The following CNTN1 variants were observed in gnomAD, a reference collection of about 807,000 sequenced individuals.
The protein encoded by CNTN1 is contactin 1, also known as contactin-1.
A neutral mutation model predicts 126.4 loss-of-function variants in CNTN1; 38 were observed. The observed-to-expected ratio is 0.30, with a 90% CI of 0.23 to 0.39. The LOEUF (loss-of-function observed/expected upper bound fraction) is 0.39. CNTN1 is among the 10% of genes least tolerant of loss of function. The pLI, the probability that CNTN1 is intolerant of heterozygous loss-of-function variation, is 1.00. For synonymous variants in CNTN1, 413 were observed against 422.6 expected (o/e 0.98, Z 0.28); for missense variants, 1,009 against 1,248.4 (o/e 0.81, Z 2.89).
At chr12:40,972,363 T>A in intron 15 of CNTN1, 3 of 984,422 alleles carry the variant, frequency 3.0e-6, no homozygotes, top group Non-Finnish European at 3.6e-6. Flanking sequence ...ACCTTCACTT[T>A]CCCCCTTTGG....
intron 1 of CNTN1, among the ~76,000 whole-genome samples, chr12:40,902,803 T>G (rs747822325): frequency 1.1e-4 from 17 of 152,174 alleles, no homozygotes; most frequent in Non-Finnish European, 1.8e-4. Context: ...AATAATTTAT[T>G]TGGACTATCC....
intron 21 of CNTN1, among the ~76,000 whole-genome samples, 181 bp from the exon 22 acceptor site, chr12:41,027,676 G>T (rs779611591): frequency 6.6e-6 from 1 of 152,108 alleles, no homozygotes; most frequent in African/African-American, 2.4e-5. Context: ...GGGCCATGGG[G>T]TACATTAAAT....
chr12:40,854,837 G>T lies in CNTN1; in HGVS notation c.-76-53520G>T, dbSNP rs188269928. Among the ~76,000 whole-genome samples the T allele has an allele frequency of 1.4e-4, 21 of 152,188 alleles. 1 individual carries two copies. Among genetic ancestry groups the T allele is most frequent in the African/African-American group, 5.1e-4 (21 of 41,550 alleles). On this transcript the variant is annotated intron_variant, in intron 1 of 23. Coordinates refer to ENST00000551295, the MANE Select transcript of CNTN1 (RefSeq NM_001843.4). ...GAAGGAGAAAAAGTGGAGGAAGATA[G>T]CCCAGAGGAGTCAGGGAGTCAAGAA...
At chr12:40,714,654 CATGA>C (rs1565635862) in intron 1 of CNTN1, among the ~76,000 whole-genome samples, 1 of 152,076 alleles carries the variant, frequency 6.6e-6, no homozygotes, top group Admixed American at 6.6e-5. Flanking sequence ...TGCTATTTAA[CATGA>C]ATTTTTTTTA....
chr12:40,977,410 GCTGC>G (rs1294229886), intron 15 of CNTN1, among the ~76,000 whole-genome samples: 1 of 152,076 alleles, frequency 6.6e-6, no homozygotes, highest in African/African-American at 2.4e-5. Context: ...GGCATGTCTG[GCTGC>G]CCCTTCCCAT....
chr12:40,696,510 T>C (rs1941456519), intron 1 of CNTN1, among the ~76,000 whole-genome samples: 1 of 152,236 alleles, frequency 6.6e-6, no homozygotes, highest in South Asian at 2.1e-4. Context: ...ATTATTGGTA[T>C]AATGTGTTTT....
At chr12:40,869,914 T>G (rs1440228698) in intron 1 of CNTN1, among the ~76,000 whole-genome samples, 3 of 152,236 alleles carry the variant, frequency 2.0e-5, no homozygotes, top group Non-Finnish European at 4.4e-5. Context: ...CACCAAAATC[T>G]CATCTTGAAT....
At chr12:40,765,646 G>A (rs1049399015) in intron 1 of CNTN1, among the ~76,000 whole-genome samples, 1 of 152,202 alleles carries the variant, frequency 6.6e-6, no homozygotes, top group African/African-American at 2.4e-5. Context: ...GAAGTAATAT[G>A]AGAACAGAAA....
chr12:40,865,946 A>G (rs2136656583), intron 1 of CNTN1, among the ~76,000 whole-genome samples: 1 of 152,208 alleles, frequency 6.6e-6, no homozygotes, highest in African/African-American at 2.4e-5. Context: ...TCTTCTGAAC[A>G]ACGAACATAA....
At chr12:40,707,272 G>T (rs1387743135) in intron 1 of CNTN1, among the ~76,000 whole-genome samples, 2 of 100,614 alleles carry the variant, frequency 2.0e-5, no homozygotes, top group Admixed American at 1.2e-4. Context: ...TTTTTGAGAC[G>T]GAGTCTCGCT....
intron 23 of CNTN1, among the ~76,000 whole-genome samples, chr12:41,057,208 T>A (rs1949844846): frequency 2.1e-5 from 3 of 145,470 alleles, no homozygotes; most frequent in Non-Finnish European, 4.5e-5. Flanking sequence ...TTATTATATT[T>A]AGATATTTAT....
chr12:41,056,628 T>C (rs1341009737), intron 23 of CNTN1, among the ~76,000 whole-genome samples: 1 of 151,938 alleles, frequency 6.6e-6, no homozygotes, highest in Non-Finnish European at 1.5e-5. Flanking sequence ...TGTTAACTAT[T>C]TGGGAGAGGA....
chr12:40,943,726 T>C lies in CNTN1; in HGVS notation c.1507+2T>C. The stretch of plus-strand genomic sequence containing the variant: ...GCACTGGAACCCTTGTTATCACAGG[T>C]AAGTTAATGTTTGAGGGTGCTTAAT... On this transcript the variant is annotated splice_donor_variant, in intron 13 of 23. Transcript: ENST00000551295. LOFTEE classifies it high-confidence loss of function. The C allele has an allele frequency of 1.2e-6, 2 of 1,612,540 alleles. No individual in the cohort carries two copies. Among genetic ancestry groups the C allele is most frequent in the Non-Finnish European group, 1.7e-6 (2 of 1,179,074 alleles).
chr12:40,951,533 G>A (rs993863437), intron 14 of CNTN1, among the ~76,000 whole-genome samples: 2 of 151,508 alleles, frequency 1.3e-5, no homozygotes, highest in African/African-American at 4.8e-5. Context: ...ATTATGTTAT[G>A]TGTGAAAATG....
intron 17 of CNTN1, among the ~76,000 whole-genome samples, chr12:41,013,414 TTAAAAA>T (rs1470689875): frequency 1.3e-5 from 2 of 152,138 alleles, no homozygotes; most frequent in African/African-American, 2.4e-5. Flanking sequence ...CTGCTTTTCA[TTAAAAA>T]GCAAAGCCTT....
intron 1 of CNTN1, among the ~76,000 whole-genome samples, chr12:40,868,219 T>G (rs988010866): frequency 9.9e-5 from 15 of 152,280 alleles, no homozygotes; most frequent in African/African-American, 3.4e-4. Context: ...ATTATCCCAA[T>G]GGAAGTTTTT....
At chr12:40,907,079 G>C in intron 1 of CNTN1, among the ~76,000 whole-genome samples, 1 of 152,094 alleles carries the variant, frequency 6.6e-6, no homozygotes, top group African/African-American at 2.4e-5. Context: ...GTCTTTTCAA[G>C]ATGAAACCCC....
intron 15 of CNTN1, among the ~76,000 whole-genome samples, chr12:40,961,555 T>C (rs1023859291): frequency 1.3e-5 from 2 of 152,010 alleles, no homozygotes; most frequent in Non-Finnish European, 1.5e-5. Flanking sequence ...CTGGAGTCTA[T>C]GAACAGGCTT....
intron 1 of CNTN1, among the ~76,000 whole-genome samples, chr12:40,776,090 G>A (rs906029185): frequency 2.0e-5 from 3 of 151,568 alleles, no homozygotes; most frequent in African/African-American, 7.3e-5. Context: ...TGTTATTGCA[G>A]CCCAAAGCAC....
Sources: gnomAD v4.1 joint callset for allele counts (sites outside exome capture counted in the v4.1 genomes callset) on GRCh38, gnomAD v4.1.1 for gene constraint, MANE v1.5 for transcripts, NCBI Gene and HGNC (gene_info 2026-07-23, HGNC 2026-07-21) for gene names.